SPOCK3: variants seen among roughly 807,000 people sequenced by gnomAD.
The protein encoded by SPOCK3 is SPARC (osteonectin), cwcv and kazal like domains proteoglycan 3.
Under a neutral mutation model 56.6 loss-of-function variants are expected in SPOCK3, and 30 were observed. The ratio of observed to expected loss-of-function variants is 0.53; its 90% confidence interval spans 0.40 to 0.72. The LOEUF is 0.72. SPOCK3 is among the 30% of genes least tolerant of loss of function. The pLI, the probability that SPOCK3 is intolerant of heterozygous loss-of-function variation, is 0.00. For synonymous variants in SPOCK3, 196 were observed against 183.3 expected (o/e 1.07, Z -0.56); for missense variants, 527 against 530.0 (o/e 0.99, Z 0.06).
chr4:167,135,243 A>C (rs1763014883), intron 2 of SPOCK3, among the ~76,000 whole-genome samples: 1 of 152,046 alleles, frequency 6.6e-6, no homozygotes, highest in South Asian at 2.1e-4. Flanking sequence ...GAAAATGCAT[A>C]CATAGAAAAT....
Position 167,076,899 on chromosome 4 carries a change from C to T in SPOCK3, c.190-14362G>A, listed in dbSNP as rs1757232641. ...TTAATAACTTAGCTTGCGATTTTTA[C>T]ATCCTTTTAGAAACATACCAATAAA... On this transcript the variant is annotated intron_variant, in intron 2 of 10. Coordinates refer to ENST00000357545, the MANE Select transcript of SPOCK3 (RefSeq NM_001040159.2). 2.0e-5 allele frequency among the ~76,000 whole-genome samples: 3 copies of T among 151,808 alleles called. 1 individual carries two copies. The highest frequency in any genetic ancestry group is 2.0e-4 in the Admixed American group (3 of 15,184).
At chr4:167,160,323 C>G (rs576809732) in intron 2 of SPOCK3, among the ~76,000 whole-genome samples, 1 of 152,170 alleles carries the variant, frequency 6.6e-6, no homozygotes, top group Non-Finnish European at 1.5e-5. Context: ...ACCTAGGAAT[C>G]CAACTTAAAA....
At chr4:167,170,942 C>A (rs1346101603) in intron 2 of SPOCK3, among the ~76,000 whole-genome samples, 1 of 151,942 alleles carries the variant, frequency 6.6e-6, no homozygotes, top group African/African-American at 2.4e-5. Flanking sequence ...GTTCTAAGGG[C>A]TCATGATTTC....
At chr4:167,026,335 G>C (rs1235737715) in intron 3 of SPOCK3, among the ~76,000 whole-genome samples, 2 of 151,994 alleles carry the variant, frequency 1.3e-5, no homozygotes, top group Non-Finnish European at 2.9e-5. Flanking sequence ...TATTTCACAA[G>C]AAATTCTTCA....
chr4:166,952,620 C>T (rs1039577477), intron 4 of SPOCK3, among the ~76,000 whole-genome samples: 2 of 152,088 alleles, frequency 1.3e-5, no homozygotes. Context: ...GAGCCCGCAT[C>T]GTCAAGGCAA....
chr4:166,818,108 C>G (rs1017036555), intron 6 of SPOCK3, among the ~76,000 whole-genome samples: 2 of 152,046 alleles, frequency 1.3e-5, no homozygotes, highest in Non-Finnish European at 2.9e-5. Flanking sequence ...CTAATGCTCT[C>G]ACAGATGAGT....
chr4:167,070,222 G>A (rs550148480), intron 2 of SPOCK3, among the ~76,000 whole-genome samples: 2 of 152,074 alleles, frequency 1.3e-5, no homozygotes, highest in Admixed American at 6.6e-5. Context: ...GTCCCACACT[G>A]AAAGATCCTA....
At chr4:167,029,166 G>C (rs1752018946) in intron 3 of SPOCK3, among the ~76,000 whole-genome samples, 1 of 151,918 alleles carries the variant, frequency 6.6e-6, no homozygotes, top group Admixed American at 6.6e-5. Context: ...GAGAACATTT[G>C]GTGTTTGGTT....
At chr4:167,145,559 G>A (rs1195551928) in intron 2 of SPOCK3, among the ~76,000 whole-genome samples, 1 of 151,982 alleles carries the variant, frequency 6.6e-6, no homozygotes, top group Non-Finnish European at 1.5e-5. Flanking sequence ...AGATGGAGAC[G>A]CCAGTGAAGT....
intron 2 of SPOCK3, among the ~76,000 whole-genome samples, chr4:167,176,547 TTTG>T (rs1200704575): frequency 2.0e-5 from 3 of 152,166 alleles, no homozygotes; most frequent in Non-Finnish European, 4.4e-5. Flanking sequence ...TGCCATTTTT[TTTG>T]TTGTCAATGT....
At chr4:167,016,747 G>A (rs1469852830) in intron 3 of SPOCK3, among the ~76,000 whole-genome samples, 3 of 151,860 alleles carry the variant, frequency 2.0e-5, no homozygotes, top group African/African-American at 7.3e-5. Context: ...TCACCATATT[G>A]GCAAGGCTGG....
chr4:167,005,071 T>C (rs1475755544), intron 3 of SPOCK3, among the ~76,000 whole-genome samples: 1 of 152,134 alleles, frequency 6.6e-6, no homozygotes, highest in Non-Finnish European at 1.5e-5. Context: ...AGTAAAAAGA[T>C]GGAAAACTTA....
chr4:166,860,911 T>C (rs1231096351), intron 6 of SPOCK3, among the ~76,000 whole-genome samples: 1 of 149,954 alleles, frequency 6.7e-6, no homozygotes, highest in Admixed American at 6.7e-5. Flanking sequence ...TGATTCTCAG[T>C]CTTTACTGGG....
chr4:166,752,263 T>G (rs1736473872), intron 8 of SPOCK3, among the ~76,000 whole-genome samples: 1 of 152,058 alleles, frequency 6.6e-6, no homozygotes, highest in South Asian at 2.1e-4. Context: ...GCTTAAGCAA[T>G]CCACCCTCCT....
At chr4:167,186,125 T>C (rs1470135824) in intron 2 of SPOCK3, among the ~76,000 whole-genome samples, 1 of 152,154 alleles carries the variant, frequency 6.6e-6, no homozygotes, top group Non-Finnish European at 1.5e-5. Flanking sequence ...CTCTTTAGAA[T>C]GAATGTTTTT....
intron 3 of SPOCK3, among the ~76,000 whole-genome samples, chr4:167,016,082 C>T (rs930863658): frequency 6.6e-6 from 1 of 152,064 alleles, no homozygotes; most frequent in African/African-American, 2.4e-5. Context: ...TTAGGCCTGA[C>T]TGAATAGTTA....
chr4:167,109,976 A>C (rs1438062741), intron 2 of SPOCK3, among the ~76,000 whole-genome samples: 1 of 151,958 alleles, frequency 6.6e-6, no homozygotes, highest in Non-Finnish European at 1.5e-5. Context: ...GCCTGAACTT[A>C]CATTTCTTTT....
intron 4 of SPOCK3, among the ~76,000 whole-genome samples, chr4:166,984,249 T>C (rs1311045742): frequency 1.3e-5 from 2 of 152,056 alleles, no homozygotes; most frequent in Non-Finnish European, 2.9e-5. Context: ...TAATGATAAT[T>C]TACCAGATTA....
At chr4:167,154,854 G>A (rs1208648944) in intron 2 of SPOCK3, among the ~76,000 whole-genome samples, 1 of 152,078 alleles carries the variant, frequency 6.6e-6, no homozygotes, top group African/African-American at 2.4e-5. Flanking sequence ...AACTTTACAT[G>A]AAATTGCTAG....
Sources: gnomAD v4.1 joint callset for allele counts (sites outside exome capture counted in the v4.1 genomes callset) on GRCh38, gnomAD v4.1.1 for gene constraint, MANE v1.5 for transcripts, NCBI Gene and HGNC (gene_info 2026-07-23, HGNC 2026-07-21) for gene names.